The following ABCG5 variants were observed in gnomAD, a reference collection of about 807,000 sequenced individuals.
The protein encoded by ABCG5 is ATP-binding cassette sub-family G member 5.
A neutral mutation model predicts 64.5 loss-of-function variants in ABCG5; 64 were observed. The observed-to-expected ratio is 0.99, with a 90% CI of 0.81 to 1.22. The LOEUF is 1.22. ABCG5 is among the 50% of genes most tolerant of loss of function. ABCG5 has a pLI of 0.00. For missense variants in ABCG5, 908 were observed against 829.5 expected, an observed-to-expected ratio of 1.09 and a Z score of -1.16; for synonymous variants, 385 against 326.3, an observed-to-expected ratio of 1.18 and a Z score of -1.94.
chr2:43,827,874 T>C, intron 5 of ABCG5, 109 bp downstream of exon 5: 1 of 1,524,810 alleles, frequency 6.6e-7, no homozygotes, highest in South Asian at 1.2e-5. Flanking sequence ...ATTTCAGTTG[T>C]ACACAAACCC....
chr2:43,825,568 C>G (rs113688149), intron 6 of ABCG5, among the ~76,000 whole-genome samples: 1 of 152,120 alleles, frequency 6.6e-6, no homozygotes, highest in African/African-American at 2.4e-5. Flanking sequence ...CTATTAACAA[C>G]TGTGTGATCT....
In ABCG5 at chr2:43,822,840, A is replaced by G; in HGVS notation, c.1420T>C (p.Phe474Leu). ...AAAATCATGGTGGCAACAACGCTGA[A>G]GGGGAGGACGTGCAGTGCATAGGCC... The part of the protein sequence containing the change: ...MLAYALHVLP[F>L]SVVATMIFSS... The change falls in exon 10 of 13, where the codon TTC (phenylalanine) becomes CTC (leucine). Residue 474 changes from phenylalanine (F) to leucine (L), a missense_variant. By Grantham distance (22) the Phe-to-Leu change is conservative. Transcript: ENST00000405322. 1 of 1,614,206 alleles carries G rather than the reference A, an allele frequency of 6.2e-7. No individual in the cohort carries two copies. Among genetic ancestry groups the G allele is most frequent in the Non-Finnish European group, 8.5e-7 (1 of 1,180,040 alleles).
chr2:43,824,665 A>G, intron 7 of ABCG5: 1 of 981,490 alleles, frequency 1.0e-6, no homozygotes, highest in Non-Finnish European at 1.2e-6. Flanking sequence ...TGCTCTGATA[A>G]AGTAGTAGCA....
the ABCG5 span, among the ~76,000 whole-genome samples, chr2:43,806,597 C>G: frequency 6.6e-6 from 1 of 152,110 alleles, no homozygotes; most frequent in Admixed American, 6.6e-5. Context: ...TGGAAGTCAT[C>G]CCTGATTAAT....
At chr2:43,811,663 C>G (rs1002910862), downstream of ABCG5, among the ~76,000 whole-genome samples, 5 of 150,666 alleles carry the variant, frequency 3.3e-5, no homozygotes, top group African/African-American at 1.2e-4. Context: ...GGTGCATTCT[C>G]GGCTCACTGC....
chr2:43,834,827 T>C (rs1449939700), intron 2 of ABCG5, among the ~76,000 whole-genome samples: 3 of 152,258 alleles, frequency 2.0e-5, no homozygotes, highest in Non-Finnish European at 4.4e-5. Flanking sequence ...GTTGGATGGC[T>C]CTGTGCAGGC....
chr2:43,838,728 C>T lies in ABCG5; in HGVS notation c.-49G>A. 6.2e-7 allele frequency: 1 copy of T among 1,602,754 alleles called. No individual in the cohort carries two copies. ...CAAATTTTCTGGTGGCCGGACCCTC[C>T]CCAGAGTGGCTTCAGTTGGGGAGCC... On this transcript the variant is annotated 5_prime_UTR_variant, in exon 1 of 13. Transcript: ENST00000405322. The surrounding 1 kb of genome is among the most constrained non-coding windows in gnomAD (Gnocchi z 4.2).
At position 43,823,945 on chromosome 2, in the gene ABCG5, G is replaced by A. The variant is rs755044431; in HGVS notation, c.1292C>T (p.Pro431Leu). 18 of 1,614,196 alleles carry A rather than the reference G, an allele frequency of 1.1e-5. No individual in the cohort carries two copies. In the East Asian group the frequency reaches 2.9e-4, roughly 26 times the overall value. Residue 431 changes from proline to leucine, a missense_variant, in exon 9 of 13, where the codon CCG (proline) becomes CTG (leucine). Pro to Leu is a moderately conservative substitution (Grantham distance 98, BLOSUM62 -3). Transcript: ENST00000405322. ...CACAGCGTTCAGCATGCCTGTGTAC[G>A]GGGTGGCGCCCACAAACTGGTAAAG... ...GLLYQFVGAT[P>L]YTGMLNAVNL...
intron 5 of ABCG5, 35 bp downstream of exon 5, chr2:43,827,948 G>A (rs1348421960): frequency 6.2e-7 from 1 of 1,612,870 alleles, no homozygotes; most frequent in South Asian, 1.1e-5. Context: ...AAGATGCCCA[G>A]ACAGCAGCTA....
chr2:43,824,557 A>T, intron 7 of ABCG5, 125 bp from the exon 8 acceptor site: 1 of 1,577,438 alleles, frequency 6.3e-7, no homozygotes, highest in Non-Finnish European at 8.6e-7. Flanking sequence ...TTTGTGGTTA[A>T]TGCCCACCTA....
chr2:43,830,808 G>A (rs1317249898), intron 4 of ABCG5, among the ~76,000 whole-genome samples: 2 of 152,228 alleles, frequency 1.3e-5, no homozygotes, highest in Non-Finnish European at 2.9e-5. Context: ...TAAGGTCCCC[G>A]GTGGGTTTAC....
intron 10 of ABCG5, chr2:43,822,486 C>CA (rs1667288905): frequency 1.1e-6 from 1 of 932,846 alleles, no homozygotes; most frequent in South Asian, 5.0e-5. Flanking sequence ...AGGCCCCCCC[C>CA]CATGCACCTG....
chr2:43,810,041 A>G (rs1246091543), downstream of ABCG5: 2 of 830,974 alleles, frequency 2.4e-6, no homozygotes, highest in Admixed American at 5.0e-5. Context: ...TCAATTCAGC[A>G]TGTATAAGTT....
intron 2 of ABCG5, among the ~76,000 whole-genome samples, chr2:43,835,179 C>T (rs554186239): frequency 6.6e-6 from 1 of 151,524 alleles, no homozygotes; most frequent in South Asian, 2.1e-4. Flanking sequence ...AATCAGCCCA[C>T]TCCCCCACCC....
In ABCG5 at chr2:43,812,835, T is replaced by A. The variant is rs1666553297; in HGVS notation, c.*281A>T. The A allele has an allele frequency of 2.6e-6, 1 of 381,578 alleles. No individual in the cohort carries two copies. Among genetic ancestry groups the A allele is most frequent in the Non-Finnish European group, 4.8e-6 (1 of 209,264 alleles). The allele number at this position is 381,578 out of a possible 1,614,324, so 23.6% of individuals were successfully genotyped here. On this transcript the variant is annotated 3_prime_UTR_variant, in exon 13 of 13. Coordinates refer to ENST00000405322, the MANE Select transcript of ABCG5 (RefSeq NM_022436.3). ...CAAGGAAAAAAAATAGTCACACGAG[T>A]CTCCCATAGGTTTATGAATATTATT...
chr2:43,838,347 GA>G lies in ABCG5; in HGVS notation c.143+189del. 1.6e-6 allele frequency: 1 copy of G among 637,270 alleles called. No homozygotes were observed. Among genetic ancestry groups the G allele is most frequent in the Non-Finnish European group, 2.7e-6 (1 of 370,568 alleles). 39.5% of individuals were successfully genotyped at this position (637,270 alleles called of 1,614,324 possible). On this transcript the variant is annotated intron_variant, in intron 1 of 12. Coordinates refer to ENST00000405322, the MANE Select transcript of ABCG5 (RefSeq NM_022436.3). The surrounding 1 kb of genome is among the most constrained non-coding windows in gnomAD (Gnocchi z 4.2). ...GCCCAGGCCCTTCCCTGGGCAGGGG[GA>G]GGGGCCATTCACTGTCGCTCCATGT...
intron 11 of ABCG5, among the ~76,000 whole-genome samples, chr2:43,817,979 T>A (rs994469700): frequency 6.6e-5 from 10 of 152,290 alleles, no homozygotes; most frequent in African/African-American, 2.4e-4. Flanking sequence ...CTTAGCCTGG[T>A]CTACCTTAAA....
intron 2 of ABCG5, 177 bp from the exon 3 acceptor site, chr2:43,832,260 T>C: frequency 3.8e-6 from 3 of 798,238 alleles, no homozygotes; most frequent in Non-Finnish European, 6.0e-6. Context: ...ACGCGCACTG[T>C]GCGTGCAGCA....
At chr2:43,832,284 G>A in intron 2 of ABCG5, 1 of 672,728 alleles carries the variant, frequency 1.5e-6, no homozygotes, top group South Asian at 1.8e-5. Flanking sequence ...TCACGCGCAA[G>A]TGAGTCTCTG....
Sources: allele counts gnomAD v4.1 joint callset (sites outside exome capture counted in the v4.1 genomes callset), GRCh38; gene constraint gnomAD v4.1.1; non-coding constraint Gnocchi (gnomAD v3.1); transcripts MANE v1.5; gene names NCBI Gene and HGNC (gene_info 2026-07-23, HGNC 2026-07-21).